Variants in RARB observed in about 807,000 individuals in gnomAD.
RARB encodes HBV-activated protein.
A neutral mutation model predicts 51.9 loss-of-function variants in RARB; 17 were observed. The observed-to-expected ratio is 0.33, with a 90% CI of 0.22 to 0.49. RARB has a LOEUF of 0.49. RARB is among the 20% of genes least tolerant of loss of function. The probability of loss-of-function intolerance (pLI) is 0.99; values close to 1 mark genes in which losing one functional copy is unlikely to be tolerated. For missense variants in RARB, 369 were observed against 550.8 expected (o/e 0.67, Z 3.30); for synonymous variants, 215 against 195.4 (o/e 1.10, Z -0.84).
intron 5 of RARB, chr3:25,260,059 G>C: frequency 1.1e-6 from 1 of 932,224 alleles, no homozygotes; most frequent in Non-Finnish European, 1.3e-6. Flanking sequence ...TTCGTGTGTG[G>C]CTGGTTTTCT....
chr3:25,335,953 A>G (rs895132250), intron 5 of RARB, among the ~76,000 whole-genome samples: 1 of 152,212 alleles, frequency 6.6e-6, no homozygotes, highest in African/African-American at 2.4e-5. Context: ...TTTGAGTATT[A>G]TCCATCCTCT....
At chr3:25,101,503 T>G (rs1345902590) in intron 3 of RARB, among the ~76,000 whole-genome samples, 2 of 152,112 alleles carry the variant, frequency 1.3e-5, no homozygotes, top group Non-Finnish European at 2.9e-5. Context: ...TTTTGAAAAT[T>G]GTTTCACTTT....
intron 1 of RARB, among the ~76,000 whole-genome samples, chr3:25,457,553 C>T (rs1694980515): frequency 6.6e-6 from 1 of 152,182 alleles, no homozygotes; most frequent in Admixed American, 6.5e-5. Context: ...GACTCTTATC[C>T]ATAGGAAAAG....
chr3:25,439,853 T>C lies in RARB; in HGVS notation c.157+10965T>C, dbSNP rs537249548. Among the ~76,000 whole-genome samples, 412 of 152,302 alleles carry C rather than the reference T, an allele frequency of 2.7e-3. 2 individuals carry two copies. The highest frequency in any genetic ancestry group is 9.3e-3 in the African/African-American group (387 of 41,564). Reference sequence around the variant, plus strand: ...TTGAAGTGACTTGCTAGAAGTCGTGTAGTGGGTTCTAAGTGGAAGCAGATC... The same window carrying C: ...TTGAAGTGACTTGCTAGAAGTCGTGCAGTGGGTTCTAAGTGGAAGCAGATC... On this transcript the variant is annotated intron_variant, in intron 1 of 7. Transcript: ENST00000330688.
At chr3:24,922,389 T>C (rs927922815) in intron 2 of RARB, among the ~76,000 whole-genome samples, 5 of 152,222 alleles carry the variant, frequency 3.3e-5, no homozygotes, top group Non-Finnish European at 7.3e-5. Flanking sequence ...TGAAAGCTAA[T>C]GTGTATCAAG....
At chr3:25,147,194 A>T (rs1166961649) in intron 4 of RARB, among the ~76,000 whole-genome samples, 1 of 152,082 alleles carries the variant, frequency 6.6e-6, no homozygotes, top group South Asian at 2.1e-4. Context: ...CAACCCAGGT[A>T]TCTATATTTT....
intron 2 of RARB, among the ~76,000 whole-genome samples, chr3:25,038,112 A>G (rs1698035120): frequency 6.6e-6 from 1 of 152,148 alleles, no homozygotes; most frequent in African/African-American, 2.4e-5. Flanking sequence ...AGCCTACCCT[A>G]ACAGCCAGTT....
chr3:25,063,082 G>C (rs1440948189), intron 3 of RARB, among the ~76,000 whole-genome samples: 1 of 151,872 alleles, frequency 6.6e-6, no homozygotes, highest in Non-Finnish European at 1.5e-5. Context: ...TAGAGACAAG[G>C]AATAATAAAG....
intron 2 of RARB, among the ~76,000 whole-genome samples, chr3:25,485,738 T>C (rs902781152): frequency 6.6e-6 from 1 of 152,210 alleles, no homozygotes; most frequent in African/African-American, 2.4e-5. Context: ...TCCCTTTTAT[T>C]GGAGAAAGCA....
chr3:25,266,492 A>G lies in RARB; in HGVS notation c.178+91917A>G, dbSNP rs144147893. Among the ~76,000 whole-genome samples, 869 of 152,254 alleles carry G rather than the reference A, an allele frequency of 5.7e-3. 5 individuals carry two copies. The highest frequency in any genetic ancestry group is 0.01 in the Non-Finnish European group (683 of 68,020). On this transcript the variant is annotated intron_variant, in intron 5 of 11. Transcript: ENST00000383772. ...TGCAAATATTTTTTCTTAATTTTAC[A>G]TATTTTAAAATTTATGGTCTCTGTA...
At chr3:24,917,087 T>C (rs1047557136) in intron 2 of RARB, among the ~76,000 whole-genome samples, 1 of 152,362 alleles carries the variant, frequency 6.6e-6, no homozygotes, top group African/African-American at 2.4e-5. Flanking sequence ...ACTTTTCAAC[T>C]TTTGTTTTTT....
intron 2 of RARB, among the ~76,000 whole-genome samples, chr3:25,004,456 TG>T (rs1292778588): frequency 6.6e-6 from 1 of 152,104 alleles, no homozygotes; most frequent in Non-Finnish European, 1.5e-5. Context: ...CATCACATGG[TG>T]GAAGGGCAGA....
intron 2 of RARB, among the ~76,000 whole-genome samples, chr3:24,929,561 A>T (rs1296227553): frequency 6.6e-6 from 1 of 152,134 alleles, no homozygotes; most frequent in African/African-American, 2.4e-5. Context: ...TTATTCATTC[A>T]TTCCACAAAT....
intron 5 of RARB, among the ~76,000 whole-genome samples, chr3:25,342,105 A>G (rs1705246730): frequency 6.6e-6 from 1 of 152,208 alleles, no homozygotes; most frequent in African/African-American, 2.4e-5. Context: ...CCATCAAGAA[A>G]TAACTAATAT....
chr3:25,558,289 TTC>T (rs1700137099), intron 3 of RARB, among the ~76,000 whole-genome samples: 1 of 152,170 alleles, frequency 6.6e-6, no homozygotes, highest in Non-Finnish European at 1.5e-5. Flanking sequence ...GCTACAAATG[TTC>T]TCTCGAAAGT....
chr3:24,970,146 G>A (rs561029779), intron 2 of RARB, among the ~76,000 whole-genome samples: 1 of 152,096 alleles, frequency 6.6e-6, no homozygotes, highest in Admixed American at 6.6e-5. Context: ...GGCTGTAGCT[G>A]TGTTTCAATT....
chr3:25,175,278 C>T (rs574209238), intron 5 of RARB, among the ~76,000 whole-genome samples: 5 of 152,292 alleles, frequency 3.3e-5, no homozygotes, highest in South Asian at 2.1e-4. Flanking sequence ...TGGTAGCCAG[C>T]GAGCTTTTCC....
At chr3:25,166,701 G>T (rs948241214) in intron 4 of RARB, among the ~76,000 whole-genome samples, 3 of 152,090 alleles carry the variant, frequency 2.0e-5, no homozygotes, top group Non-Finnish European at 4.4e-5. Context: ...TGTCTGTTTT[G>T]TTGCTTGGAT....
intron 4 of RARB, among the ~76,000 whole-genome samples, chr3:25,159,912 T>A (rs1013526268): frequency 2.0e-5 from 3 of 152,148 alleles, no homozygotes; most frequent in African/African-American, 7.2e-5. Flanking sequence ...TTCAGACACA[T>A]CTTTATTTTG....
Sources: gnomAD v4.1 joint callset for allele counts (sites outside exome capture counted in the v4.1 genomes callset) on GRCh38, gnomAD v4.1.1 for gene constraint, MANE v1.5 for transcripts, NCBI Gene and HGNC (gene_info 2026-07-23, HGNC 2026-07-21) for gene names.